The following NUMA1 variants were observed in gnomAD, a reference collection of about 807,000 sequenced individuals.
NUMA1 encodes SP-H antigen.
In NUMA1, 62 loss-of-function variants were observed where a neutral mutation model predicts 237.1. The observed-to-expected ratio is 0.26, with a 90% CI of 0.21 to 0.32. The LOEUF (loss-of-function observed/expected upper bound fraction) is 0.32. Ranked by LOEUF, NUMA1 falls within the 10% of genes least tolerant of loss-of-function variation. NUMA1 has a pLI of 1.00. For synonymous variants in NUMA1, 1,028 were observed against 1,066.1 expected (o/e 0.96, Z 0.70); for missense variants, 2,533 against 2,666.5 (o/e 0.95, Z 1.10).
intron 7 of NUMA1, 114 bp from the exon 8 acceptor site, chr11:72,021,405 C>T: frequency 1.2e-6 from 1 of 857,458 alleles, no homozygotes; most frequent in South Asian, 1.4e-5. Context: ...CCCTAGGAGC[C>T]TGCTGGATCC....
At chr11:72,055,548 G>A (rs1470369001) in intron 2 of NUMA1, among the ~76,000 whole-genome samples, 1 of 152,146 alleles carries the variant, frequency 6.6e-6, no homozygotes, top group African/African-American at 2.4e-5. Flanking sequence ...ATAGTGACTG[G>A]GAAGGGGCTA....
intron 2 of NUMA1, among the ~76,000 whole-genome samples, chr11:72,057,581 T>G (rs538959723): frequency 6.7e-6 from 1 of 149,996 alleles, no homozygotes; most frequent in East Asian, 2.0e-4. Flanking sequence ...CCATCTCTAC[T>G]AAAAATACAA....
At chr11:72,003,825 C>T (rs1038679809) in intron 26 of NUMA1, 62 bp downstream of exon 26, 218 of 1,542,076 alleles carry the variant, frequency 1.4e-4, no homozygotes, top group Non-Finnish European at 1.8e-4. Flanking sequence ...CTTGGTGGGG[C>T]GGTCTGGGGG....
chr11:72,008,511 G>T, intron 20 of NUMA1, 177 bp downstream of exon 20: 1 of 705,580 alleles, frequency 1.4e-6, no homozygotes, highest in Non-Finnish European at 2.4e-6. Context: ...AGCCTTTCTT[G>T]ACCACTTGCT....
At position 72,047,472 on chromosome 11, in the gene NUMA1, A is replaced by G. The variant is rs148190506; in HGVS notation, c.-32-11497T>C. On this transcript the variant is annotated intron_variant, in intron 2 of 26. Transcript: ENST00000393695. ...CACTGCACTCTAGCCTGGGCAACAG[A>G]GCAAGACACGTCTCAAAAAAAAACA... is the stretch of plus-strand genomic sequence containing the variant. 4.7e-3 allele frequency among the ~76,000 whole-genome samples: 636 copies of G among 136,116 alleles called. 5 individuals carry two copies. Among genetic ancestry groups the G allele is most frequent in the Non-Finnish European group, 6.6e-3 (417 of 63,240 alleles). 89.3% of individuals were successfully genotyped at this position (136,116 alleles called of 152,430 possible).
intron 3 of NUMA1, among the ~76,000 whole-genome samples, chr11:72,032,156 A>G (rs1940424164): frequency 6.6e-6 from 1 of 152,072 alleles, no homozygotes; most frequent in African/African-American, 2.4e-5. Context: ...GCAAGACCCT[A>G]TCTCAAAAAG....
At position 72,013,989 on chromosome 11, in the gene NUMA1, C is replaced by G; in HGVS notation, c.3514G>C (p.Glu1172Gln). The G allele has an allele frequency of 2.5e-6, 4 of 1,612,896 alleles. No homozygotes were observed. The highest frequency in any genetic ancestry group is 2.2e-5 in the South Asian group (2 of 91,090). ...TGCCCTAGCTCCTGGGCCTTCTCCT[C>G]TAACTGGCCCTGCAGAGTCTCCAGA... ...SALETLQGQLEEKAQELGHSQ... is the reference protein window; with the variant it reads ...SALETLQGQLQEKAQELGHSQ... The change falls in exon 15 of 27, where the codon GAG becomes CAG. Residue 1172 changes from glutamate (E) to glutamine (Q), a missense_variant. By Grantham distance (29) the Glu-to-Gln change is conservative (BLOSUM62 2). Around this residue, in one of 3 missense-constraint regions of NUMA1, gnomAD observed 1,414 missense variants for 1,508.1 expected, o/e 0.94. Transcript: ENST00000393695. This position sits in a 1 kb window ranked among gnomAD's most constrained non-coding sequence, Gnocchi z 6.8.
chr11:72,077,795 C>CA (rs1943781981), intron 1 of NUMA1, among the ~76,000 whole-genome samples: 1 of 114,690 alleles, frequency 8.7e-6, no homozygotes. Context: ...GCCTGGGCAA[C>CA]AGAGTGAGAC....
At chr11:72,046,414 C>T (rs1942000839) in intron 2 of NUMA1, among the ~76,000 whole-genome samples, 4 of 152,020 alleles carry the variant, frequency 2.6e-5, no homozygotes, top group Admixed American at 2.6e-4. Flanking sequence ...TGTGGTGGCG[C>T]ATGCCTGTAA....
At chr11:72,076,834 T>C (rs570596894) in intron 1 of NUMA1, 1 of 151,620 alleles carries the variant, frequency 6.6e-6, no homozygotes, top group Non-Finnish European at 1.5e-5. Flanking sequence ...AAATCCTCTG[T>C]ATCTTGATTA....
rs118025006 is a variant in NUMA1 at position 72,024,255 on chromosome 11, G to C, written c.208+19C>G. 1 of 1,611,142 alleles carries C rather than the reference G, an allele frequency of 6.2e-7. No individual in the cohort carries two copies. The highest frequency in any genetic ancestry group is 8.5e-7 in the Non-Finnish European group (1 of 1,177,402). On this transcript the variant is annotated intron_variant, in intron 5 of 26. Transcript: ENST00000393695. ...CTGAGGAAGCAGCTTCTTCATAGCTGGATAAGAAAGGTGCTTACTCTGCAG... is the reference window on the plus strand; with the variant it reads ...CTGAGGAAGCAGCTTCTTCATAGCTCGATAAGAAAGGTGCTTACTCTGCAG...
rs542199668 is a variant in NUMA1, at chr11:72,045,393, C to A, written c.-32-9418G>T. Among the ~76,000 whole-genome samples, 3 of 152,268 alleles carry A rather than the reference C, an allele frequency of 2.0e-5. No homozygotes were observed. In the South Asian group the frequency reaches 6.2e-4, roughly 32 times the overall value. ...TATTAGTAGAAATGGAAGTTCTTAT[C>A]CAAAGGAGCACCATGAAAGCAAAGG... On this transcript the variant is annotated intron_variant, in intron 2 of 26. Transcript: ENST00000393695.
In NUMA1 at chr11:72,055,696, C is replaced by A. The variant is rs573550932; in HGVS notation, c.-33+14146G>T. On this transcript the variant is annotated intron_variant, in intron 2 of 26. Coordinates refer to ENST00000393695, the MANE Select transcript of NUMA1 (RefSeq NM_006185.4). ...CATACTGTAATTATTAAATACCAGG[C>A]AAGCCAGGTCAGGAGGCTTGCACTT... 1.6e-4 allele frequency among the ~76,000 whole-genome samples: 24 copies of A among 151,976 alleles called. No homozygotes were observed. The South Asian group carries it at 5.0e-3, about 32-fold the overall frequency.
intron 2 of NUMA1, among the ~76,000 whole-genome samples, chr11:72,064,179 T>C (rs1359957024): frequency 1.3e-5 from 2 of 152,096 alleles, no homozygotes; most frequent in Non-Finnish European, 2.9e-5. Flanking sequence ...TAAGTTTGGC[T>C]GGGTACAGTG....
chr11:72,077,683 G>C (rs547698285), intron 1 of NUMA1, among the ~76,000 whole-genome samples: 1 of 151,844 alleles, frequency 6.6e-6, no homozygotes, highest in Non-Finnish European at 1.5e-5. Context: ...GCGTGGTTGC[G>C]GGCGCCTGTA....
chr11:72,018,788 C>G (rs1298118678), intron 10 of NUMA1, 35 bp downstream of exon 10: 2 of 1,596,678 alleles, frequency 1.3e-6, no homozygotes, highest in Non-Finnish European at 1.7e-6. Context: ...TCCGGCAAGT[C>G]TATTCACACA....
At chr11:72,024,503 T>C (rs1171048013) in intron 4 of NUMA1, 150 bp from the exon 5 acceptor site, 2 of 679,894 alleles carry the variant, frequency 2.9e-6, no homozygotes, top group East Asian at 2.7e-5. Context: ...AGGTGACAGA[T>C]ACCAGGACAC....
At chr11:72,056,635 TAAAAAAAA>T (rs59248999) in intron 2 of NUMA1, among the ~76,000 whole-genome samples, 47,606 of 78,392 alleles carry the variant, frequency 0.61, 11,602 homozygotes, top group Middle Eastern at 0.69. Context: ...CCCATCTCTT[TAAAAAAAA>T]AAAAAAAAAA....
At chr11:72,028,961 C>T (rs556149101) in intron 4 of NUMA1, among the ~76,000 whole-genome samples, 2 of 152,158 alleles carry the variant, frequency 1.3e-5, no homozygotes, top group Non-Finnish European at 2.9e-5. Flanking sequence ...TGGAGGTTCT[C>T]CTGTGCAAGA....
Sources: allele counts gnomAD v4.1 joint callset (sites outside exome capture counted in the v4.1 genomes callset), GRCh38; gene constraint gnomAD v4.1.1; regional missense constraint gnomAD v4.1.1; non-coding constraint Gnocchi (gnomAD v3.1); transcripts MANE v1.5; gene names NCBI Gene and HGNC (gene_info 2026-07-23, HGNC 2026-07-21).